SLTM: variants seen among roughly 807,000 people sequenced by gnomAD.
SLTM encodes SAFB like transcription modulator.
SLTM carries 43 observed loss-of-function variants against 134.6 expected under a neutral mutation model. That is an observed-to-expected ratio of 0.32 (90% confidence interval 0.25 to 0.41). The LOEUF is 0.41. SLTM is among the 10% of genes least tolerant of loss of function. The pLI, the probability that SLTM is intolerant of heterozygous loss-of-function variation, is 1.00. For synonymous variants in SLTM, 424 were observed against 432.3 expected (o/e 0.98, Z 0.24); for missense variants, 1,055 against 1,288.8 (o/e 0.82, Z 2.78).
chr15:58,894,251 A>G (rs2034895274), intron 10 of SLTM, 58 bp from the exon 11 acceptor site: 3 of 1,478,816 alleles, frequency 2.0e-6, no homozygotes, highest in East Asian at 2.3e-5. Context: ...TTGTGATTAT[A>G]AGAAGTGTGC....
chr15:58,882,139 T>G (rs1463272357), intron 20 of SLTM, among the ~76,000 whole-genome samples: 1 of 119,818 alleles, frequency 8.3e-6, no homozygotes, highest in African/African-American at 3.1e-5. Flanking sequence ...GAGCCGAGAC[T>G]GCACCACTAC....
chr15:58,907,303 A>G (rs1248184714), intron 5 of SLTM, among the ~76,000 whole-genome samples: 1 of 152,190 alleles, frequency 6.6e-6, no homozygotes, highest in East Asian at 1.9e-4. Flanking sequence ...GAGGTTCTTG[A>G]AACTAGAGGA....
chr15:58,916,714 T>C (rs1490269443), intron 3 of SLTM: 1 of 396,890 alleles, frequency 2.5e-6, no homozygotes, highest in Admixed American at 4.2e-5. Flanking sequence ...TTATTAATTT[T>C]AGCTTTTGTA....
intron 2 of SLTM, among the ~76,000 whole-genome samples, chr15:58,926,303 T>C (rs2037461737): frequency 6.6e-6 from 1 of 152,170 alleles, no homozygotes; most frequent in Admixed American, 6.5e-5. Flanking sequence ...TCTATCTACC[T>C]TCAACAAAAC....
At chr15:58,907,387 C>T (rs1452862717) in intron 5 of SLTM, among the ~76,000 whole-genome samples, 2 of 152,054 alleles carry the variant, frequency 1.3e-5, no homozygotes, top group Non-Finnish European at 2.9e-5. Flanking sequence ...TTTGGGAGGC[C>T]GAGATGGGTG....
chr15:58,904,013 CTG>C (rs1258248011), intron 5 of SLTM, among the ~76,000 whole-genome samples: 1 of 152,042 alleles, frequency 6.6e-6, no homozygotes, highest in Non-Finnish European at 1.5e-5. Flanking sequence ...AAACTTGTGT[CTG>C]TGTGAGAGAC....
chr15:58,913,459 A>G lies in SLTM; in HGVS notation c.513+40T>C, dbSNP rs756522985. ...AATACTTTTTATTATTTAAAACTTAATTTATCTGTGTCATGTTTTAAAAAA... is the reference window on the plus strand; with the variant it reads ...AATACTTTTTATTATTTAAAACTTAGTTTATCTGTGTCATGTTTTAAAAAA... On this transcript the variant is annotated intron_variant, in intron 4 of 20. Transcript: ENST00000380516. 3.4e-6 allele frequency: 5 copies of G among 1,480,768 alleles called. No individual in the cohort carries two copies. In the South Asian group the frequency reaches 6.5e-5, roughly 19 times the overall value. The allele number at this position is 1,480,768 out of a possible 1,614,324, so 91.7% of individuals were successfully genotyped here.
chr15:58,908,126 G>A (rs1246277615), intron 5 of SLTM, among the ~76,000 whole-genome samples: 1 of 150,184 alleles, frequency 6.7e-6, no homozygotes, highest in Admixed American at 6.7e-5. Flanking sequence ...GCACAATCAC[G>A]GCTCACTGCA....
intron 6 of SLTM, among the ~76,000 whole-genome samples, chr15:58,900,252 A>G (rs908657499): frequency 6.6e-6 from 1 of 152,202 alleles, no homozygotes; most frequent in African/African-American, 2.4e-5. Context: ...TTGTTCCTCC[A>G]TGTGACAGTG....
chr15:58,897,188 T>C lies in SLTM; in HGVS notation c.1154A>G (p.Asn385Ser). ...AGATGAAAGTCCACTAACCCAGATA[T>C]TTTTAGTTGAGCTTCCACTGCTACC... Reference protein sequence around the residue: ...TSGSSGSSTKNIWVSGLSSNT... With the variant: ...TSGSSGSSTKSIWVSGLSSNT... The change falls in exon 9 of 21, where the codon AAT (asparagine) becomes AGT (serine). Residue 385 changes from asparagine (N) to serine (S), a missense_variant. Asn to Ser is a conservative substitution (Grantham distance 46). Around this residue, in one of 3 missense-constraint regions of SLTM, gnomAD observed 776 missense variants for 962.2 expected, o/e 0.81. Coordinates refer to ENST00000380516, the MANE Select transcript of SLTM (RefSeq NM_024755.4). 1 of 1,613,050 alleles carries C rather than the reference T, an allele frequency of 6.2e-7. No individual in the cohort carries two copies. Among genetic ancestry groups the C allele is most frequent in the South Asian group, 1.1e-5 (1 of 91,032 alleles).
In SLTM at chr15:58,883,694, A is replaced by T; in HGVS notation, c.2928T>A (p.Pro976=). 1 of 1,614,058 alleles carries T rather than the reference A, an allele frequency of 6.2e-7. No individual in the cohort carries two copies. The highest frequency in any genetic ancestry group is 8.5e-7 in the Non-Finnish European group (1 of 1,180,016). Reference sequence around the variant, plus strand: ...CCATTCGCCTCGTATCATGATAGCTAGGCCCTTGAGAGGGTGGACCATGCC... The same window carrying T: ...CCATTCGCCTCGTATCATGATAGCTTGGCCCTTGAGAGGGTGGACCATGCC... ...KEWHGPPSQG[P]SYHDTRRMGD... is the part of the protein sequence containing the mutation. The change falls in exon 20 of 21, where the codon CCT becomes CCA. Residue 976 remains proline, a synonymous_variant. Transcript: ENST00000380516.
In SLTM at chr15:58,892,564, C is replaced by CA. The variant is rs533587352; in HGVS notation, c.1898+332dup. On this transcript the variant is annotated intron_variant, in intron 14 of 20. Coordinates refer to ENST00000380516, the MANE Select transcript of SLTM (RefSeq NM_024755.4). ...GAGGAAAGAGCATTGGACTTGGAGTCAGAAGACTTGGGTCTGAGTCCCGAC... is the reference window on the plus strand; with the variant it reads ...GAGGAAAGAGCATTGGACTTGGAGTCAAGAAGACTTGGGTCTGAGTCCCGAC... Among the ~76,000 whole-genome samples the CA allele has an allele frequency of 2.7e-4, 41 of 152,240 alleles. No individual in the cohort carries two copies. In the East Asian group the frequency reaches 7.7e-3, roughly 29 times the overall value.
intron 14 of SLTM, among the ~76,000 whole-genome samples, chr15:58,891,588 C>G (rs951409878): frequency 6.6e-6 from 1 of 152,092 alleles, no homozygotes; most frequent in African/African-American, 2.4e-5. Flanking sequence ...ATTTACTAAC[C>G]AATACAACAT....
intron 16 of SLTM, among the ~76,000 whole-genome samples, chr15:58,888,896 T>A (rs1164507573): frequency 6.6e-6 from 1 of 152,162 alleles, no homozygotes; most frequent in Non-Finnish European, 1.5e-5. Flanking sequence ...TTCTAACCAG[T>A]TCACACAACC....
intron 5 of SLTM, among the ~76,000 whole-genome samples, chr15:58,910,538 C>T (rs1370588326): frequency 1.3e-5 from 2 of 152,098 alleles, no homozygotes; most frequent in African/African-American, 4.8e-5. Flanking sequence ...AAAAATTGTT[C>T]GTAATGAAGT....
chr15:58,903,963 A>T (rs2035680788), intron 5 of SLTM, among the ~76,000 whole-genome samples: 1 of 152,156 alleles, frequency 6.6e-6, no homozygotes, highest in African/African-American at 2.4e-5. Context: ...TTGGATAATA[A>T]TTTCTTTTTT....
In SLTM at chr15:58,916,934, C is replaced by A. The variant is rs765705099; in HGVS notation, c.315+1G>T. ...CTTAACCTGAGTAATTAACACTTTA[C>A]CTTGATAAAAGCATCATCTTCCACA... On this transcript the variant is annotated splice_donor_variant, in intron 3 of 20. Coordinates refer to ENST00000380516, the MANE Select transcript of SLTM (RefSeq NM_024755.4). LOFTEE classifies it high-confidence loss of function. The A allele has an allele frequency of 6.2e-7, 1 of 1,613,100 alleles. No individual in the cohort carries two copies. Among genetic ancestry groups the A allele is most frequent in the Non-Finnish European group, 8.5e-7 (1 of 1,179,252 alleles).
chr15:58,920,681 C>T (rs1472004381), intron 2 of SLTM, among the ~76,000 whole-genome samples: 1 of 146,710 alleles, frequency 6.8e-6, no homozygotes, highest in Admixed American at 6.8e-5. Context: ...TTTGGCTGGG[C>T]GTGGTGGCTC....
rs150616461 is a variant in SLTM at position 58,896,624 on chromosome 15, A to T, written c.1227+491T>A. Among the ~76,000 whole-genome samples, 1,374 of 152,258 alleles carry T rather than the reference A, an allele frequency of 9.0e-3. 19 individuals carry two copies. The highest frequency in any genetic ancestry group is 0.032 in the African/African-American group (1,314 of 41,564). On this transcript the variant is annotated intron_variant, in intron 9 of 20. Coordinates refer to ENST00000380516, the MANE Select transcript of SLTM (RefSeq NM_024755.4). ...GATATATGTTTATATATAACTTTAT[A>T]TAAGTTTAAACCATTCTCATGCCTA...
Sources: allele counts gnomAD v4.1 joint callset (sites outside exome capture counted in the v4.1 genomes callset), GRCh38; gene constraint gnomAD v4.1.1; regional missense constraint gnomAD v4.1.1; transcripts MANE v1.5; gene names NCBI Gene and HGNC (gene_info 2026-07-23, HGNC 2026-07-21).